Variants in CCNY observed in about 807,000 individuals in gnomAD.
The protein encoded by CCNY is cyclin-Y.
In CCNY, 19 loss-of-function variants were observed where a neutral mutation model predicts 42.8. That is an observed-to-expected ratio of 0.44 (90% confidence interval 0.31 to 0.65). CCNY has a LOEUF of 0.65. Among genes scored for constraint, CCNY ranks in the 30% least tolerant of loss-of-function variants. The pLI, the probability that CCNY is intolerant of heterozygous loss-of-function variation, is 0.07. For missense variants in CCNY, 370 were observed against 437.3 expected (o/e 0.85, Z 1.37); for synonymous variants, 165 against 162.7 (o/e 1.01, Z -0.11).
chr10:35,524,369 A>G (rs954062244), intron 4 of CCNY, among the ~76,000 whole-genome samples: 21 of 152,356 alleles, frequency 1.4e-4, no homozygotes, highest in East Asian at 9.6e-4. Flanking sequence ...AGTACTTTCA[A>G]CTAGGCTGAA....
intron 1 of CCNY, among the ~76,000 whole-genome samples, chr10:35,424,079 C>G (rs1257408522): frequency 6.6e-6 from 1 of 151,830 alleles, no homozygotes; most frequent in African/African-American, 2.4e-5. Context: ...TGTGTGGACT[C>G]TCGGAGCCTC....
chr10:35,456,052 C>T (rs572949445), intron 1 of CCNY, among the ~76,000 whole-genome samples: 24 of 152,146 alleles, frequency 1.6e-4, no homozygotes, highest in African/African-American at 5.8e-4. Flanking sequence ...AGTATCACAG[C>T]CCAGTATTTT....
intron 1 of CCNY, among the ~76,000 whole-genome samples, chr10:35,378,886 T>TA (rs1272688526): frequency 2.0e-5 from 3 of 152,174 alleles, no homozygotes; most frequent in East Asian, 3.9e-4. Context: ...CTTCCTAACT[T>TA]ATGCTGGTTT....
At chr10:35,417,215 G>A (rs914490108) in intron 1 of CCNY, among the ~76,000 whole-genome samples, 2 of 152,174 alleles carry the variant, frequency 1.3e-5, no homozygotes, top group East Asian at 1.9e-4. Context: ...CTTTTCTGTC[G>A]AGGAGGTATT....
chr10:35,476,991 A>G (rs1280754472), intron 1 of CCNY, among the ~76,000 whole-genome samples: 1 of 152,194 alleles, frequency 6.6e-6, no homozygotes, highest in Non-Finnish European at 1.5e-5. Flanking sequence ...AACTACCATC[A>G]GAGAATACTA....
At chr10:35,376,251 T>G (rs1837049197) in intron 1 of CCNY, among the ~76,000 whole-genome samples, 1 of 152,206 alleles carries the variant, frequency 6.6e-6, no homozygotes, top group African/African-American at 2.4e-5. Flanking sequence ...GAAAACAGTT[T>G]GATAGTTCAT....
Position 35,563,847 on chromosome 10 carries a change from TAGAGGTGCCC to T in CCNY, c.747-2174_747-2165del, listed in dbSNP as rs1386623807. ...TCACCCTCCTGAGTAGCTGGGATAT[TAGAGGTGCCC>T]ACCACCATGCCTGACTAATTTTTTT... is the stretch of plus-strand genomic sequence containing the variant. On this transcript the variant is annotated intron_variant, in intron 8 of 9. Transcript: ENST00000374704. Among the ~76,000 whole-genome samples, 3 of 151,610 alleles carry T rather than the reference TAGAGGTGCCC, an allele frequency of 2.0e-5. No homozygotes were observed. In the South Asian group the frequency reaches 6.3e-4, roughly 32 times the overall value.
At chr10:35,282,016 A>G (rs998229842) in intron 3 of CCNY, among the ~76,000 whole-genome samples, 8 of 151,690 alleles carry the variant, frequency 5.3e-5, no homozygotes, top group Non-Finnish European at 1.2e-4. Context: ...TTTCTCCTTC[A>G]TAAATTTCTA....
At chr10:35,479,141 C>G (rs1450466951) in intron 1 of CCNY, among the ~76,000 whole-genome samples, 3 of 150,776 alleles carry the variant, frequency 2.0e-5, no homozygotes, top group African/African-American at 7.4e-5. Flanking sequence ...AATAGGAACA[C>G]TTTTACACTG....
intron 1 of CCNY, among the ~76,000 whole-genome samples, chr10:35,337,768 C>A (rs906843367): frequency 1.3e-4 from 19 of 151,734 alleles, no homozygotes; most frequent in African/African-American, 4.1e-4. Context: ...AGTGGCGGTT[C>A]CAGGATTAGT....
chr10:35,392,363 G>A (rs1490733141), intron 1 of CCNY, among the ~76,000 whole-genome samples: 1 of 152,228 alleles, frequency 6.6e-6, no homozygotes, highest in African/African-American at 2.4e-5. Flanking sequence ...AGGATGTAGA[G>A]TGACCCAGGC....
At chr10:35,298,001 C>A (rs1835491052) in intron 3 of CCNY, among the ~76,000 whole-genome samples, 1 of 148,174 alleles carries the variant, frequency 6.7e-6, no homozygotes. Flanking sequence ...TTTAGAAGTT[C>A]TTATGAAAAA....
rs534431969 is a variant in CCNY at position 35,364,936 on chromosome 10, C to G, written c.154+27729C>G. ...GCATTTTCCTAGTGCTGGTTTAAGTCCAAGCTCACCATGTATATGCTTTTG... is the reference window on the plus strand; with the variant it reads ...GCATTTTCCTAGTGCTGGTTTAAGTGCAAGCTCACCATGTATATGCTTTTG... On this transcript the variant is annotated intron_variant, in intron 1 of 9. Coordinates refer to ENST00000374704, the MANE Select transcript of CCNY (RefSeq NM_145012.6). 1.9e-4 allele frequency among the ~76,000 whole-genome samples: 29 copies of G among 152,310 alleles called. No individual in the cohort carries two copies. In the East Asian group the frequency reaches 2.5e-3, roughly 13 times the overall value.
At chr10:35,509,510 A>T (rs1361486513) in intron 3 of CCNY, among the ~76,000 whole-genome samples, 1 of 152,190 alleles carries the variant, frequency 6.6e-6, no homozygotes, top group African/African-American at 2.4e-5. Context: ...TCCTGACCTC[A>T]AGTGATCCAG....
At chr10:35,541,433 G>T (rs936599949) in intron 7 of CCNY, among the ~76,000 whole-genome samples, 2 of 152,166 alleles carry the variant, frequency 1.3e-5, no homozygotes, top group Non-Finnish European at 2.9e-5. Flanking sequence ...ATCTCATTCT[G>T]TTGCCCTGGC....
At chr10:35,492,406 G>C (rs932745008) in intron 2 of CCNY, among the ~76,000 whole-genome samples, 5 of 152,166 alleles carry the variant, frequency 3.3e-5, no homozygotes, top group Non-Finnish European at 5.9e-5. Flanking sequence ...TCCTTGGCTG[G>C]AACACCTCTG....
At chr10:35,520,039 A>G (rs1208886133) in intron 4 of CCNY, among the ~76,000 whole-genome samples, 1 of 152,186 alleles carries the variant, frequency 6.6e-6, no homozygotes, top group Non-Finnish European at 1.5e-5. Context: ...TGCTGAGATT[A>G]TAGGCGTCAG....
At chr10:35,437,740 A>G (rs935909417) in intron 1 of CCNY, among the ~76,000 whole-genome samples, 6 of 151,940 alleles carry the variant, frequency 3.9e-5, no homozygotes, top group Non-Finnish European at 8.8e-5. Context: ...TTTTTTTTCT[A>G]GAATTTTATA....
At chr10:35,319,339 T>C (rs1835795730) in intron 3 of CCNY, among the ~76,000 whole-genome samples, 1 of 152,110 alleles carries the variant, frequency 6.6e-6, no homozygotes, top group Non-Finnish European at 1.5e-5. Flanking sequence ...TGATCGCTAC[T>C]GTATTCCAGC....
Sources: gnomAD v4.1 joint callset for allele counts (sites outside exome capture counted in the v4.1 genomes callset) on GRCh38, gnomAD v4.1.1 for gene constraint, MANE v1.5 for transcripts, NCBI Gene and HGNC (gene_info 2026-07-23, HGNC 2026-07-21) for gene names.